ACBD6: variants seen among roughly 807,000 people sequenced by gnomAD.
ACBD6 encodes the protein acyl-CoA-binding domain-containing protein 6.
A neutral mutation model predicts 37.2 loss-of-function variants in ACBD6; 28 were observed. The ratio of observed to expected loss-of-function variants is 0.75; its 90% CI spans 0.56 to 1.03. ACBD6 has a LOEUF of 1.03. Among genes scored for constraint, ACBD6 ranks in the 50% least tolerant of loss-of-function variants. The probability of loss-of-function intolerance (pLI) is 0.00; values close to 1 mark genes in which losing one functional copy is unlikely to be tolerated. For missense variants in ACBD6, 340 were observed against 337.4 expected (o/e 1.01, Z -0.06); for synonymous variants, 113 against 126.8 (o/e 0.89, Z 0.73).
intron 6 of ACBD6, among the ~76,000 whole-genome samples, chr1:180,371,007 C>G (rs1245205287): frequency 6.6e-6 from 1 of 151,942 alleles, no homozygotes; most frequent in Non-Finnish European, 1.5e-5. Context: ...AAAAAATGTT[C>G]TCTAAAATGC....
chr1:180,329,763 A>G (rs979769486), intron 6 of ACBD6, among the ~76,000 whole-genome samples: 8 of 152,134 alleles, frequency 5.3e-5, no homozygotes, highest in African/African-American at 1.9e-4. Context: ...CTGGGTGGTG[A>G]TCTGTAGCCC....
intron 6 of ACBD6, among the ~76,000 whole-genome samples, chr1:180,360,594 A>G (rs1652809060): frequency 6.6e-6 from 1 of 152,202 alleles, no homozygotes; most frequent in South Asian, 2.1e-4. Flanking sequence ...ATGGAATCTA[A>G]CATTCGAGAA....
intron 3 of ACBD6, among the ~76,000 whole-genome samples, chr1:180,459,864 A>C (rs1650063212): frequency 6.6e-6 from 1 of 152,116 alleles, no homozygotes; most frequent in African/African-American, 2.4e-5. Flanking sequence ...AAACTGGTAA[A>C]CTGGTTCCAG....
intron 6 of ACBD6, among the ~76,000 whole-genome samples, chr1:180,344,337 G>C (rs1203041084): frequency 2.0e-5 from 3 of 152,068 alleles, no homozygotes; most frequent in Non-Finnish European, 4.4e-5. Flanking sequence ...ATGCCAACCA[G>C]TAGGTTTTAG....
chr1:180,321,880 T>C (rs1651086358), intron 6 of ACBD6, among the ~76,000 whole-genome samples: 1 of 152,168 alleles, frequency 6.6e-6, no homozygotes, highest in Non-Finnish European at 1.5e-5. Context: ...TCTTGTCTGA[T>C]TGCTCTAGCT....
chr1:180,309,924 A>G (rs1650522851), intron 7 of ACBD6, among the ~76,000 whole-genome samples: 2 of 152,198 alleles, frequency 1.3e-5, no homozygotes, highest in African/African-American at 4.8e-5. Context: ...ATCATATGAC[A>G]GAAATACTAT....
At position 180,280,634 on chromosome 1, in the gene ACBD6, C is replaced by T. The variant is rs544085089; in HGVS notation, c.*174+672G>A. ...CATGACCCTTTGCCAAAATCATCTC[C>T]CGCGTTAAGTGCTTTATTAGGCTGA... On this transcript the variant is annotated intron_variant, in intron 9 of 13. Coordinates refer to the ACBD6 transcript ENST00000642319. 2.7e-4 allele frequency among the ~76,000 whole-genome samples: 41 copies of T among 152,306 alleles called. 1 individual carries two copies. In the South Asian group the frequency reaches 7.3e-3, roughly 27 times the overall value.
chr1:180,452,212 C>T (rs988484966), intron 3 of ACBD6, among the ~76,000 whole-genome samples: 1 of 152,170 alleles, frequency 6.6e-6, no homozygotes, highest in African/African-American at 2.4e-5. Context: ...TGGCTCAGAC[C>T]TGTAATCCCA....
chr1:180,398,018 A>C (rs1571455192), intron 5 of ACBD6, among the ~76,000 whole-genome samples: 1 of 152,016 alleles, frequency 6.6e-6, no homozygotes. Flanking sequence ...GTACCACTGC[A>C]CTCCAGCCTG....
intron 3 of ACBD6, among the ~76,000 whole-genome samples, chr1:180,465,842 G>C (rs1650326899): frequency 6.6e-6 from 1 of 152,132 alleles, no homozygotes; most frequent in African/African-American, 2.4e-5. Flanking sequence ...TAAAAAGAAT[G>C]AGATGCCTTT....
intron 6 of ACBD6, among the ~76,000 whole-genome samples, chr1:180,333,294 C>G (rs1447770065): frequency 6.6e-6 from 1 of 151,322 alleles, no homozygotes; most frequent in Admixed American, 6.6e-5. Flanking sequence ...TTCTTTAATA[C>G]CTGGTTAAAT....
chr1:180,452,659 G>T (rs1351926665), intron 3 of ACBD6, among the ~76,000 whole-genome samples: 1 of 148,830 alleles, frequency 6.7e-6, no homozygotes, highest in Non-Finnish European at 1.5e-5. Flanking sequence ...TAACAAAGTA[G>T]ACTGCTAGCA....
chr1:180,464,105 T>C (rs1650255244), intron 3 of ACBD6, among the ~76,000 whole-genome samples: 1 of 152,150 alleles, frequency 6.6e-6, no homozygotes, highest in Non-Finnish European at 1.5e-5. Flanking sequence ...TTATACTAAC[T>C]GGGCAAAAGC....
At chr1:180,359,972 A>T (rs560053428) in intron 6 of ACBD6, among the ~76,000 whole-genome samples, 1 of 152,350 alleles carries the variant, frequency 6.6e-6, no homozygotes, top group South Asian at 2.1e-4. Flanking sequence ...AAATAATTTT[A>T]AAAAATCAGA....
At chr1:180,460,155 C>G in intron 3 of ACBD6, among the ~76,000 whole-genome samples, 1 of 150,566 alleles carries the variant, frequency 6.6e-6, no homozygotes, top group East Asian at 2.0e-4. Flanking sequence ...CAGTAGGCCC[C>G]GGTGTGTGAT....
intron 3 of ACBD6, among the ~76,000 whole-genome samples, chr1:180,488,954 T>C (rs1043435847): frequency 2.8e-4 from 43 of 152,198 alleles, no homozygotes; most frequent in African/African-American, 9.7e-4. Context: ...ATGCAGATTA[T>C]AGTAGTTTCT....
At chr1:180,299,859 T>G (rs985611827) in intron 7 of ACBD6, among the ~76,000 whole-genome samples, 6 of 152,118 alleles carry the variant, frequency 3.9e-5, no homozygotes, top group African/African-American at 1.4e-4. Context: ...AAGGACCATG[T>G]TTAATCATGA....
At chr1:180,369,551 A>G (rs1186269180) in intron 6 of ACBD6, among the ~76,000 whole-genome samples, 1 of 152,196 alleles carries the variant, frequency 6.6e-6, no homozygotes, top group Non-Finnish European at 1.5e-5. Context: ...CCATCTCTAA[A>G]CTAATACCTT....
At chr1:180,482,206 C>G (rs900242249) in intron 3 of ACBD6, among the ~76,000 whole-genome samples, 7 of 152,030 alleles carry the variant, frequency 4.6e-5, no homozygotes, top group Non-Finnish European at 1.5e-5. Flanking sequence ...ATAAATTTAT[C>G]TATCTTTCAA....
Sources: gnomAD v4.1 joint callset for allele counts (sites outside exome capture counted in the v4.1 genomes callset) on GRCh38, gnomAD v4.1.1 for gene constraint, MANE v1.5 for transcripts, NCBI Gene and HGNC (gene_info 2026-07-23, HGNC 2026-07-21) for gene names.